Variants in CDKAL1 observed in about 807,000 individuals in gnomAD.
CDKAL1 encodes the protein CDKAL1 threonylcarbamoyladenosine tRNA methylthiotransferase.
CDKAL1 carries 32 observed loss-of-function variants against 68.2 expected under a neutral mutation model. The ratio of observed to expected loss-of-function variants is 0.47; its 90% CI spans 0.35 to 0.63. CDKAL1 has a LOEUF of 0.63. Ranked by LOEUF, CDKAL1 falls within the 30% of genes least tolerant of loss-of-function variation. The pLI is 0.00. For missense variants in CDKAL1, 606 were observed against 696.7 expected (o/e 0.87, Z 1.47); for synonymous variants, 234 against 244.3 (o/e 0.96, Z 0.39).
At chr6:21,104,452 T>C (rs1009343662) in intron 12 of CDKAL1, among the ~76,000 whole-genome samples, 2 of 152,184 alleles carry the variant, frequency 1.3e-5, no homozygotes, top group Non-Finnish European at 1.5e-5. Flanking sequence ...GTGGTTACCT[T>C]TCTCTATAAA....
intron 7 of CDKAL1, among the ~76,000 whole-genome samples, chr6:20,764,619 T>A (rs1417810912): frequency 2.0e-5 from 3 of 152,200 alleles, no homozygotes; most frequent in Non-Finnish European, 4.4e-5. Context: ...CAGTACTGTA[T>A]CAAGTGTGGT....
Position 21,084,806 on chromosome 6 carries a change from C to T in CDKAL1, c.1236+19578C>T, listed in dbSNP as rs531146421. On this transcript the variant is annotated intron_variant, in intron 12 of 15. Transcript: ENST00000274695. ...AATATATGACTGATATCCCTGGGGC[C>T]GTTACAAAGTTATATGATGCAGTAG... Among the ~76,000 whole-genome samples, 20 of 152,262 alleles carry T rather than the reference C, an allele frequency of 1.3e-4. No individual in the cohort carries two copies. The South Asian group carries it at 3.9e-3, about 30-fold the overall frequency.
chr6:20,793,416 TG>T (rs1200398151), intron 8 of CDKAL1, among the ~76,000 whole-genome samples: 1 of 152,130 alleles, frequency 6.6e-6, no homozygotes, highest in Non-Finnish European at 1.5e-5. Flanking sequence ...CCCATGAGGA[TG>T]GAGTATGGTT....
At chr6:21,201,082 T>C (rs754424701) in intron 14 of CDKAL1, 28 bp from the exon 15 acceptor site, 1 of 1,575,492 alleles carries the variant, frequency 6.3e-7, no homozygotes, top group Non-Finnish European at 8.7e-7. Context: ...TTTTTAAAAA[T>C]TAAGCCTCTG....
At chr6:20,753,912 G>A (rs1464346889) in intron 6 of CDKAL1, among the ~76,000 whole-genome samples, 3 of 151,752 alleles carry the variant, frequency 2.0e-5, no homozygotes, top group African/African-American at 7.3e-5. Context: ...AATGTATGAA[G>A]GTTCCAATTT....
At chr6:20,692,962 T>TA (rs918893444) in intron 5 of CDKAL1, among the ~76,000 whole-genome samples, 17 of 148,828 alleles carry the variant, frequency 1.1e-4, no homozygotes, top group South Asian at 4.3e-4. Context: ...CAATCTCTAC[T>TA]AAAAAAAAAT....
At chr6:20,570,137 C>T (rs1279376783) in intron 4 of CDKAL1, among the ~76,000 whole-genome samples, 2 of 152,208 alleles carry the variant, frequency 1.3e-5, no homozygotes, top group Non-Finnish European at 2.9e-5. Flanking sequence ...GAGACGGAGT[C>T]TCTGTCGCCA....
intron 8 of CDKAL1, among the ~76,000 whole-genome samples, chr6:20,783,678 T>G (rs116512841): frequency 2.4e-3 from 369 of 152,276 alleles, no homozygotes; most frequent in Middle Eastern, 6.8e-3. Flanking sequence ...TCACTCTAAT[T>G]TGTGTCCACA....
rs1375329616 is a variant in CDKAL1 at position 20,624,360 on chromosome 6, A to C, written c.287-24933A>C. ...TCCCCATCATTAGTTAAGGAAATGC[A>C]TTCGATTTTTAAGTTTTTTCCCCCC... is the stretch of plus-strand genomic sequence containing the variant. On this transcript the variant is annotated intron_variant, in intron 4 of 15. Transcript: ENST00000274695. Among the ~76,000 whole-genome samples the C allele has an allele frequency of 9.2e-5, 12 of 131,056 alleles. 1 individual carries two copies. Among genetic ancestry groups the C allele is most frequent in the Admixed American group, 9.1e-4 (12 of 13,230 alleles). 86.0% of individuals were successfully genotyped at this position (131,056 alleles called of 152,430 possible). A position where few individuals can be genotyped will look rare whatever the true frequency, so the allele number is the denominator to read the frequency against.
Position 20,950,390 on chromosome 6 carries a change from C to T in CDKAL1, c.743-5029C>T, listed in dbSNP as rs532084734. ...CCGCCCGCCTTGGCCTCCCAAAGTGCTGAGATTACAGGCGTGAGCCACTGC... is the reference window on the plus strand; with the variant it reads ...CCGCCCGCCTTGGCCTCCCAAAGTGTTGAGATTACAGGCGTGAGCCACTGC... On this transcript the variant is annotated intron_variant, in intron 9 of 15. Transcript: ENST00000274695. Among the ~76,000 whole-genome samples the T allele has an allele frequency of 2.2e-4, 34 of 152,252 alleles. No individual in the cohort carries two copies. In the South Asian group the frequency reaches 7.1e-3, roughly 32 times the overall value.
At chr6:20,692,370 ACAT>A (rs1292587387) in intron 5 of CDKAL1, among the ~76,000 whole-genome samples, 1 of 152,204 alleles carries the variant, frequency 6.6e-6, no homozygotes, top group Non-Finnish European at 1.5e-5. Context: ...GGAGCTCCAA[ACAT>A]CATAAAATCT....
Position 21,230,915 on chromosome 6 carries a change from A to G in CDKAL1, c.1616A>G (p.Asp539Gly). The change falls in exon 16 of 16, where the codon GAC (aspartate) becomes GGC (glycine). Residue 539 changes from aspartate to glycine, a missense_variant. Asp to Gly is a moderately conservative substitution (Grantham distance 94, BLOSUM62 -1). Coordinates refer to ENST00000274695, the MANE Select transcript of CDKAL1 (RefSeq NM_017774.3). Reference protein sequence around the residue: ...GSHTSAASQCDSASSRMVLPM... With the variant: ...GSHTSAASQCGSASSRMVLPM... ...CACACCTCTGCTGCATCTCAGTGTG[A>G]CTCAGCGAGTTCCAGAATGGTGCTG... 6.2e-7 allele frequency: 1 copy of G among 1,614,096 alleles called. No homozygotes were observed. Among genetic ancestry groups the G allele is most frequent in the East Asian group, 2.2e-5 (1 of 44,886 alleles).
chr6:21,067,505 G>A (rs1455350880), intron 12 of CDKAL1, among the ~76,000 whole-genome samples: 1 of 152,052 alleles, frequency 6.6e-6, no homozygotes, highest in Admixed American at 6.5e-5. Context: ...TCAGCTATTC[G>A]GGAGGCTGAG....
At chr6:21,019,267 G>A (rs1322433746) in intron 11 of CDKAL1, among the ~76,000 whole-genome samples, 2 of 152,124 alleles carry the variant, frequency 1.3e-5, no homozygotes. Context: ...TTTGCTGTTA[G>A]GTGGTGCTGG....
intron 9 of CDKAL1, among the ~76,000 whole-genome samples, chr6:20,895,652 G>C (rs1282077726): frequency 6.6e-6 from 1 of 152,146 alleles, no homozygotes; most frequent in African/African-American, 2.4e-5. Flanking sequence ...AGATTTGCAA[G>C]TAACATCTAA....
At chr6:20,753,953 C>CTG (rs1256988409) in intron 6 of CDKAL1, among the ~76,000 whole-genome samples, 18 of 113,762 alleles carry the variant, frequency 1.6e-4, no homozygotes, top group African/African-American at 5.8e-4. Flanking sequence ...TCGTTATTAT[C>CTG]TGTATGTGTG....
chr6:20,648,065 ACT>A lies in CDKAL1; in HGVS notation c.287-1225_287-1224del, dbSNP rs373178188. 9.8e-3 allele frequency among the ~76,000 whole-genome samples: 1,413 copies of A among 144,404 alleles called. 24 individuals carry two copies. Among genetic ancestry groups the A allele is most frequent in the African/African-American group, 0.035 (1,358 of 38,760 alleles). 94.7% of individuals were successfully genotyped at this position (144,404 alleles called of 152,430 possible). A position where few individuals can be genotyped will look rare whatever the true frequency, so the allele number is the denominator to read the frequency against. On this transcript the variant is annotated intron_variant, in intron 4 of 15. Transcript: ENST00000274695. ...ACTCCAGCCTGGGTGACAGAGCGAG[ACT>A]CTGTCTCAAAAAAAAAAAAAATATT... is the stretch of plus-strand genomic sequence containing the variant.
At chr6:20,914,096 T>C (rs183688930) in intron 9 of CDKAL1, among the ~76,000 whole-genome samples, 1,572 of 152,104 alleles carry the variant, frequency 0.01, 16 homozygotes, top group Non-Finnish European at 0.014. Flanking sequence ...GAGACCACCC[T>C]GGCTAACACA....
chr6:20,627,034 C>T (rs528977827), intron 4 of CDKAL1, among the ~76,000 whole-genome samples: 15 of 152,270 alleles, frequency 9.9e-5, no homozygotes, highest in African/African-American at 1.9e-4. Context: ...TCTACCTCTT[C>T]GGCTAGCCCA....
Sources: gnomAD v4.1 joint callset for allele counts (sites outside exome capture counted in the v4.1 genomes callset) on GRCh38, gnomAD v4.1.1 for gene constraint, MANE v1.5 for transcripts, NCBI Gene and HGNC (gene_info 2026-07-23, HGNC 2026-07-21) for gene names.